The following PDCD11 variants were observed in gnomAD, a reference collection of about 807,000 sequenced individuals.
PDCD11 encodes programmed cell death 11.
In PDCD11, 97 loss-of-function variants were observed where a neutral mutation model predicts 198.9. The observed-to-expected ratio is 0.49, with a 90% CI of 0.41 to 0.58. The LOEUF (loss-of-function observed/expected upper bound fraction) is 0.58, where lower values mean the gene tolerates loss of function less well. PDCD11 is among the 20% of genes least tolerant of loss of function. PDCD11 has a pLI of 0.00. For missense variants in PDCD11, 2,102 were observed against 2,312.7 expected (o/e 0.91, Z 1.87); for synonymous variants, 893 against 918.0 (o/e 0.97, Z 0.49).
In PDCD11 at chr10:103,442,349, C is replaced by T. The variant is rs2032421731; in HGVS notation, c.4844C>T (p.Ser1615Phe). The change falls in exon 32 of 36, where the codon TCC becomes TTC. Residue 1615 changes from serine to phenylalanine, a missense_variant. Physicochemically the swap from Ser to Phe is radical, Grantham distance 155. Transcript: ENST00000369797. ...ADDFDRLVLS[S>F]PNSSILWLQY... Reference sequence around the variant, plus strand: ...GATTTTGACCGACTGGTGCTGAGCTCCCCCAACAGCTCCATTCTGTGGCTG... The same window carrying T: ...GATTTTGACCGACTGGTGCTGAGCTTCCCCAACAGCTCCATTCTGTGGCTG... 1.2e-6 allele frequency: 2 copies of T among 1,614,068 alleles called. No individual in the cohort carries two copies. The highest frequency in any genetic ancestry group is 1.3e-5 in the African/African-American group (1 of 74,914).
chr10:103,437,975 C>T (rs1481588212), intron 25 of PDCD11, 40 bp from the exon 26 acceptor site: 1 of 1,572,928 alleles, frequency 6.4e-7, no homozygotes, highest in Non-Finnish European at 8.7e-7. Context: ...TTCACAGATG[C>T]TGAAAATTGA....
intron 23 of PDCD11, 87 bp from the exon 24 acceptor site, chr10:103,434,161 A>G (rs926082028): frequency 5.0e-6 from 6 of 1,195,460 alleles, no homozygotes; most frequent in Non-Finnish European, 7.5e-6. Context: ...GCTTTGGGAG[A>G]TACTTGCTTT....
In PDCD11 at chr10:103,433,286, G is replaced by A. The variant is rs2032011037; in HGVS notation, c.3475-662G>A. On this transcript the variant is annotated intron_variant, in intron 22 of 35. Coordinates refer to ENST00000369797, the MANE Select transcript of PDCD11 (RefSeq NM_014976.2). ...GAGGTGGGCAGATCACTTCAGGTCA[G>A]GAGTTTGAGACCAGCCTGGCCAACA... Among the ~76,000 whole-genome samples, 5 of 152,176 alleles carry A rather than the reference G, an allele frequency of 3.3e-5. No individual in the cohort carries two copies. In the South Asian group the frequency reaches 8.3e-4, roughly 25 times the overall value.
intron 16 of PDCD11, among the ~76,000 whole-genome samples, chr10:103,420,324 A>G (rs1480642184): frequency 9.2e-5 from 14 of 152,104 alleles, no homozygotes; most frequent in Non-Finnish European, 1.6e-4. Flanking sequence ...CTCTCAGCAC[A>G]CTTAGACAGG....
intron 30 of PDCD11, 29 bp from the exon 31 acceptor site, chr10:103,441,797 C>T: frequency 6.2e-7 from 1 of 1,606,286 alleles, no homozygotes; most frequent in Non-Finnish European, 8.5e-7. Context: ...GAGCCAGGTG[C>T]TTTCTTTAGC....
Position 103,443,266 on chromosome 10 carries a change from A to C in PDCD11, c.5057A>C (p.Gln1686Pro), listed in dbSNP as rs778419010. The C allele has an allele frequency of 1.2e-6, 2 of 1,613,156 alleles. No homozygotes were observed. Among genetic ancestry groups the C allele is most frequent in the South Asian group, 2.2e-5 (2 of 91,060 alleles). ...ACCAAGGTCTTTGAGCGAGCCGTGCAGTACAACGAGCCTCTCAAAGTCTTT... is the reference window on the plus strand; with the variant it reads ...ACCAAGGTCTTTGAGCGAGCCGTGCCGTACAACGAGCCTCTCAAAGTCTTT... ...SLTKVFERAV[Q>P]YNEPLKVFLH... The change falls in exon 33 of 36, where the codon CAG (glutamine) becomes CCG (proline). Residue 1686 changes from glutamine to proline, a missense_variant. Coordinates refer to ENST00000369797, the MANE Select transcript of PDCD11 (RefSeq NM_014976.2).
chr10:103,442,133 C>T, intron 31 of PDCD11, 80 bp from the exon 32 acceptor site: 3 of 1,579,312 alleles, frequency 1.9e-6, no homozygotes, highest in Non-Finnish European at 2.6e-6. Flanking sequence ...GGCTGCCCAG[C>T]CAACTCGTGA....
At chr10:103,408,966 T>C (rs2030629503) in intron 7 of PDCD11, among the ~76,000 whole-genome samples, 1 of 152,202 alleles carries the variant, frequency 6.6e-6, no homozygotes, top group African/African-American at 2.4e-5. Flanking sequence ...TCTGGCAATC[T>C]CCACCCACGA....
chr10:103,443,202 C>T lies in PDCD11; in HGVS notation c.4993C>T (p.Leu1665=). The part of the protein sequence containing the change: ...QEKLNVWVAL[L]NLENMYGSQE... ...GAAGCTGAACGTGTGGGTGGCTCTGCTGAACCTGGAGAACATGTACGGCTC... is the reference window on the plus strand; with the variant it reads ...GAAGCTGAACGTGTGGGTGGCTCTGTTGAACCTGGAGAACATGTACGGCTC... The change falls in exon 33 of 36, where the codon CTG becomes TTG. Residue 1665 remains leucine (L), a synonymous_variant. Transcript: ENST00000369797. 6.2e-7 allele frequency: 1 copy of T among 1,605,126 alleles called. No individual in the cohort carries two copies. The highest frequency in any genetic ancestry group is 1.7e-5 in the Admixed American group (1 of 59,526).
chr10:103,425,478 G>A lies in PDCD11; in HGVS notation c.3258G>A (p.Lys1086=), dbSNP rs1422231246. 13 of 1,613,944 alleles carry A rather than the reference G, an allele frequency of 8.1e-6. No homozygotes were observed. Among genetic ancestry groups the A allele is most frequent in the African/African-American group, 1.3e-5 (1 of 75,004 alleles). Residue 1086 remains lysine, a synonymous_variant, in exon 20 of 36, where the codon AAG becomes AAA. Transcript: ENST00000369797. ...CTACTACCAAGCTGAAGGTTGGGAA[G>A]ACGGTCACTGCCCGAGTGATTGGCG... is the stretch of plus-strand genomic sequence containing the variant. The part of the protein sequence containing the change: ...TSPTTKLKVG[K]TVTARVIGGR...
intron 8 of PDCD11, 135 bp downstream of exon 8, chr10:103,409,941 A>G (rs2030694921): frequency 1.5e-6 from 1 of 669,726 alleles, no homozygotes; most frequent in Non-Finnish European, 2.7e-6. Flanking sequence ...GGAATAATGA[A>G]AAGTGTTATG....
chr10:103,432,011 T>C, intron 21 of PDCD11, 118 bp from the exon 22 acceptor site: 1 of 712,860 alleles, frequency 1.4e-6, no homozygotes, highest in South Asian at 1.6e-5. Flanking sequence ...CCTTGGAGGG[T>C]GAGTATGAGT....
chr10:103,416,487 C>T lies in PDCD11; in HGVS notation c.1519-4C>T. The T allele has an allele frequency of 6.2e-7, 1 of 1,613,894 alleles. No individual in the cohort carries two copies. Among genetic ancestry groups the T allele is most frequent in the Non-Finnish European group, 8.5e-7 (1 of 1,179,846 alleles). On this transcript the variant is annotated splice_region_variant and splice_polypyrimidine_tract_variant and intron_variant, in intron 12 of 35. Transcript: ENST00000369797. ...CTTGATGACAGCCTGTGTCCCTCCC[C>T]TAGGTTTTGCTTTGTGACCCTGAAG...
Position 103,434,994 on chromosome 10 carries a change from C to T in PDCD11, c.3845+19C>T, listed in dbSNP as rs995700725. ...TTGTCAGGTAAGCGAAGTGTTCTTC[C>T]TCTTTTCACCTGTCTGTGGAATTGG... On this transcript the variant is annotated intron_variant, in intron 25 of 35. Transcript: ENST00000369797. 1.4e-6 allele frequency: 2 copies of T among 1,462,154 alleles called. No individual in the cohort carries two copies. The highest frequency in any genetic ancestry group is 3.0e-5 in the South Asian group (2 of 67,060). The allele number at this position is 1,462,154 out of a possible 1,614,324, so 90.6% of individuals were successfully genotyped here. A position where few individuals can be genotyped will look rare whatever the true frequency, so the allele number is the denominator to read the frequency against.
At chr10:103,415,290 G>A in intron 12 of PDCD11, 139 bp downstream of exon 12, 2 of 801,752 alleles carry the variant, frequency 2.5e-6, no homozygotes, top group Non-Finnish European at 4.0e-6. Context: ...ATTGGGAAGA[G>A]AAAAGTGAGT....
At chr10:103,405,217 A>G (rs746917380) in intron 5 of PDCD11, 34 bp downstream of exon 5, 24 of 1,607,706 alleles carry the variant, frequency 1.5e-5, no homozygotes, top group Non-Finnish European at 2.0e-5. Context: ...AAGAGTGGCA[A>G]TGTGCCTTCT....
At chr10:103,433,807 G>C (rs2032034244) in intron 22 of PDCD11, 141 bp from the exon 23 acceptor site, 1 of 659,960 alleles carries the variant, frequency 1.5e-6, no homozygotes, top group East Asian at 2.7e-5. Context: ...GTTGGGCAAG[G>C]GCAGTGGGAT....
chr10:103,419,387 G>A (rs1350853957), intron 15 of PDCD11, 151 bp from the exon 16 acceptor site: 22 of 793,600 alleles, frequency 2.8e-5, no homozygotes, highest in Admixed American at 2.7e-4. Flanking sequence ...AGTTTCAGGC[G>A]ATGTTGATGC....
At position 103,445,474 on chromosome 10, in the gene PDCD11, T is replaced by C. The variant is rs2032568926; in HGVS notation, c.5541T>C (p.Thr1847=). Residue 1847 remains threonine, a synonymous_variant, in exon 36 of 36, where the codon ACT becomes ACC. Coordinates refer to ENST00000369797, the MANE Select transcript of PDCD11 (RefSeq NM_014976.2). ...RYLDYEKQHG[T]EKDVQAVKAK... is the part of the protein sequence containing the mutation. ...TGGACTACGAGAAGCAGCATGGCAC[T>C]GAGAAGGATGTGCAGGCAGTCAAGG... is the stretch of plus-strand genomic sequence containing the variant. 1.2e-6 allele frequency: 2 copies of C among 1,614,108 alleles called. No homozygotes were observed. The highest frequency in any genetic ancestry group is 1.7e-6 in the Non-Finnish European group (2 of 1,179,980).
Sources: allele counts gnomAD v4.1 joint callset (sites outside exome capture counted in the v4.1 genomes callset), GRCh38; gene constraint gnomAD v4.1.1; transcripts MANE v1.5; gene names NCBI Gene and HGNC (gene_info 2026-07-23, HGNC 2026-07-21).